Variants in FOXN3 observed in about 807,000 individuals in gnomAD.
FOXN3 encodes the protein forkhead box N3.
In FOXN3, 7 loss-of-function variants were observed where a neutral mutation model predicts 38.4. The observed-to-expected ratio is 0.18, with a 90% CI of 0.10 to 0.34. The LOEUF is 0.34. Ranked by LOEUF, FOXN3 falls within the 10% of genes least tolerant of loss-of-function variation. The pLI is 1.00. For synonymous variants in FOXN3, 230 were observed against 242.2 expected (o/e 0.95, Z 0.47); for missense variants, 456 against 613.4 (o/e 0.74, Z 2.71).
At chr14:89,266,324 A>G (rs1271807092) in intron 4 of FOXN3, among the ~76,000 whole-genome samples, 4 of 152,258 alleles carry the variant, frequency 2.6e-5, no homozygotes, top group Middle Eastern at 3.4e-3. Context: ...CAGTACATGT[A>G]CATTCCTGGT....
intron 3 of FOXN3, among the ~76,000 whole-genome samples, chr14:89,335,994 T>C (rs1288170317): frequency 6.6e-6 from 1 of 152,160 alleles, no homozygotes; most frequent in Non-Finnish European, 1.5e-5. Context: ...GAAGAATTCA[T>C]GGGCAAGAAA....
chr14:89,209,413 G>A (rs1210146052), intron 4 of FOXN3, among the ~76,000 whole-genome samples: 1 of 152,220 alleles, frequency 6.6e-6, no homozygotes, highest in Non-Finnish European at 1.5e-5. Flanking sequence ...TGGAGCACCA[G>A]CTAATTCCTT....
At chr14:89,239,275 A>G (rs1044517452) in intron 4 of FOXN3, among the ~76,000 whole-genome samples, 11 of 152,166 alleles carry the variant, frequency 7.2e-5, no homozygotes, top group Non-Finnish European at 1.0e-4. Flanking sequence ...CTTCTTTGGA[A>G]GTCTTATTTC....
intron 2 of FOXN3, among the ~76,000 whole-genome samples, chr14:89,379,322 G>T (rs932467323): frequency 6.6e-6 from 1 of 152,166 alleles, no homozygotes. Context: ...AAGATCGAAA[G>T]ATTTTGCTGG....
intron 1 of FOXN3, among the ~76,000 whole-genome samples, chr14:89,600,655 A>G (rs1896137217): frequency 6.6e-6 from 1 of 152,124 alleles, no homozygotes; most frequent in African/African-American, 2.4e-5. Flanking sequence ...ATAGAAGTAA[A>G]CCCTTACTCA....
chr14:89,433,379 G>A (rs1015157738), intron 1 of FOXN3, among the ~76,000 whole-genome samples: 9 of 152,222 alleles, frequency 5.9e-5, no homozygotes, highest in African/African-American at 1.7e-4. Context: ...CTACTCGGTA[G>A]ACTGAGGCAG....
intron 2 of FOXN3, among the ~76,000 whole-genome samples, chr14:89,369,781 C>G (rs1309114922): frequency 6.6e-6 from 1 of 152,148 alleles, no homozygotes; most frequent in Non-Finnish European, 1.5e-5. Flanking sequence ...ATTACCTCCC[C>G]CTAGGTCCCT....
chr14:89,326,530 C>A (rs1014396503), intron 3 of FOXN3, among the ~76,000 whole-genome samples: 1 of 152,160 alleles, frequency 6.6e-6, no homozygotes, highest in African/African-American at 2.4e-5. Flanking sequence ...GCGCACTGGA[C>A]TTTAGTCAAA....
At chr14:89,245,795 C>T (rs1424339633) in intron 4 of FOXN3, among the ~76,000 whole-genome samples, 1 of 152,182 alleles carries the variant, frequency 6.6e-6, no homozygotes, top group East Asian at 1.9e-4. Flanking sequence ...AAACAAACTC[C>T]TGAGGACACG....
intron 5 of FOXN3, among the ~76,000 whole-genome samples, chr14:89,176,749 A>G (rs1887529244): frequency 6.6e-6 from 1 of 152,240 alleles, no homozygotes; most frequent in Admixed American, 6.5e-5. Flanking sequence ...TGGGTTTTAC[A>G]CAGACACTGA....
At chr14:89,281,576 C>G (rs1026150676) in intron 3 of FOXN3, among the ~76,000 whole-genome samples, 1 of 152,140 alleles carries the variant, frequency 6.6e-6, no homozygotes, top group African/African-American at 2.4e-5. Flanking sequence ...ACTCCATACC[C>G]TATAAAACAT....
At chr14:89,342,893 CTA>C (rs1300144441) in intron 3 of FOXN3, among the ~76,000 whole-genome samples, 1 of 152,192 alleles carries the variant, frequency 6.6e-6, no homozygotes, top group Admixed American at 6.5e-5. Context: ...ATTTAAAAAA[CTA>C]TTTCGGGTTT....
intron 3 of FOXN3, among the ~76,000 whole-genome samples, chr14:89,311,011 C>G (rs1446981580): frequency 6.7e-6 from 1 of 150,254 alleles, no homozygotes; most frequent in Non-Finnish European, 1.5e-5. Context: ...GAGGCTGAGG[C>G]AGAAGAATCA....
intron 1 of FOXN3, among the ~76,000 whole-genome samples, chr14:89,430,528 C>T (rs1596270122): frequency 1.3e-5 from 2 of 152,282 alleles, no homozygotes; most frequent in African/African-American, 4.8e-5. Flanking sequence ...ATAAACTGTG[C>T]TATTTGCTAC....
In FOXN3 at chr14:89,228,801, T is replaced by C. The variant is rs1884715834; in HGVS notation, c.746-47995A>G. Reference sequence around the variant, plus strand: ...CTGATTTCCTAATCCAAATGTCCTTTGGAGTGATATATTAGAAAGAAAACA... The same window carrying C: ...CTGATTTCCTAATCCAAATGTCCTTCGGAGTGATATATTAGAAAGAAAACA... On this transcript the variant is annotated intron_variant, in intron 4 of 5. Transcript: ENST00000557258. Among the ~76,000 whole-genome samples, 4 of 152,316 alleles carry C rather than the reference T, an allele frequency of 2.6e-5. No homozygotes were observed. The South Asian group carries it at 8.3e-4, about 32-fold the overall frequency.
At chr14:89,281,652 T>C (rs1886464182) in intron 3 of FOXN3, among the ~76,000 whole-genome samples, 1 of 152,178 alleles carries the variant, frequency 6.6e-6, no homozygotes, top group Admixed American at 6.5e-5. Context: ...GAGATCAATA[T>C]ATCACAAAGA....
intron 2 of FOXN3, among the ~76,000 whole-genome samples, chr14:89,375,837 T>C (rs539794070): frequency 6.6e-6 from 1 of 152,092 alleles, no homozygotes; most frequent in South Asian, 2.1e-4. Context: ...TGGCGCAATC[T>C]TGACTCACTG....
intron 4 of FOXN3, among the ~76,000 whole-genome samples, chr14:89,229,161 C>T (rs3825673): frequency 2.0e-5 from 3 of 152,164 alleles, no homozygotes; most frequent in East Asian, 3.9e-4. Flanking sequence ...CTCCAGCACT[C>T]GTGTCTAGGG....
chr14:89,223,157 G>C (rs940431554), intron 4 of FOXN3: 6 of 152,238 alleles, frequency 3.9e-5, no homozygotes, highest in Non-Finnish European at 8.8e-5. Flanking sequence ...CGTGAGGCTT[G>C]TGACTGAGGC....
Sources: gnomAD v4.1 joint callset for allele counts (sites outside exome capture counted in the v4.1 genomes callset) on GRCh38, gnomAD v4.1.1 for gene constraint, MANE v1.5 for transcripts, NCBI Gene and HGNC (gene_info 2026-07-23, HGNC 2026-07-21) for gene names.